The following CACNA1E variants were observed in gnomAD, a reference collection of about 807,000 sequenced individuals.
CACNA1E encodes voltage-dependent R-type calcium channel subunit alpha-1E.
A neutral mutation model predicts 259.2 loss-of-function variants in CACNA1E; 40 were observed. That is an observed-to-expected ratio of 0.15 (90% CI 0.12 to 0.20). CACNA1E has a LOEUF of 0.20. CACNA1E is among the 10% of genes least tolerant of loss of function. The probability of loss-of-function intolerance (pLI) is 1.00; values close to 1 mark genes in which losing one functional copy is unlikely to be tolerated. For synonymous variants in CACNA1E, 1,104 were observed against 1,138.5 expected (o/e 0.97, Z 0.61); for missense variants, 1,874 against 3,040.1 (o/e 0.62, Z 9.02).
At chr1:181,340,244 T>A (rs1190065855) in intron 1 of CACNA1E, among the ~76,000 whole-genome samples, 2 of 152,088 alleles carry the variant, frequency 1.3e-5, no homozygotes, top group Non-Finnish European at 2.9e-5. Flanking sequence ...TCAAATTTAA[T>A]ATTTCTTATA....
intron 2 of CACNA1E, among the ~76,000 whole-genome samples, chr1:181,427,730 G>T (rs1659406611): frequency 1.5e-5 from 2 of 136,116 alleles, no homozygotes; most frequent in African/African-American, 5.7e-5. Context: ...GCTGCCATCT[G>T]TTATGGTTGC....
chr1:181,353,483 G>A (rs1344310787), intron 1 of CACNA1E, among the ~76,000 whole-genome samples: 3 of 152,140 alleles, frequency 2.0e-5, no homozygotes, highest in African/African-American at 4.8e-5. Flanking sequence ...AAATGAAAGG[G>A]GAACATTCCA....
In CACNA1E at chr1:181,587,881, T is replaced by C. The variant is rs557451588; in HGVS notation, c.951+7105T>C. 3.7e-4 allele frequency among the ~76,000 whole-genome samples: 56 copies of C among 152,164 alleles called. 1 individual carries two copies. The highest frequency in any genetic ancestry group is 3.3e-3 in the South Asian group (16 of 4,826). On this transcript the variant is annotated intron_variant, in intron 6 of 47. Transcript: ENST00000367573. ...CTGGGTGAAAGAGCGAGACTCCGTC[T>C]CAAGAAAAAAAGAAAGAAAGAAAGA...
At chr1:181,765,195 CCTACT>C (rs1658917790) in intron 34 of CACNA1E, among the ~76,000 whole-genome samples, 1 of 152,156 alleles carries the variant, frequency 6.6e-6, no homozygotes, top group African/African-American at 2.4e-5. Context: ...ACCTCTGACC[CCTACT>C]CTAGAGTTCT....
At chr1:181,557,086 G>A (rs1165901332) in intron 3 of CACNA1E, among the ~76,000 whole-genome samples, 1 of 152,116 alleles carries the variant, frequency 6.6e-6, no homozygotes, top group Admixed American at 6.5e-5. Flanking sequence ...GAGTGTTTGG[G>A]TGTCATCTTG....
intron 2 of CACNA1E, among the ~76,000 whole-genome samples, chr1:181,445,386 A>T (rs1394060905): frequency 1.3e-5 from 2 of 152,218 alleles, no homozygotes; most frequent in Admixed American, 1.3e-4. Flanking sequence ...AAATATGTGG[A>T]AAAGTGGAAA....
intron 2 of CACNA1E, among the ~76,000 whole-genome samples, chr1:181,451,800 G>T (rs1208496888): frequency 6.6e-6 from 1 of 152,204 alleles, no homozygotes; most frequent in Non-Finnish European, 1.5e-5. Flanking sequence ...AGTGTAGCAA[G>T]AAGGAAGACA....
intron 1 of CACNA1E, among the ~76,000 whole-genome samples, chr1:181,325,155 T>C (rs1650670899): frequency 1.3e-5 from 2 of 152,170 alleles, no homozygotes; most frequent in South Asian, 4.1e-4. Context: ...ACAGCCCACC[T>C]CCTGCACCCA....
At chr1:181,323,419 A>G (rs539152724) in intron 1 of CACNA1E, among the ~76,000 whole-genome samples, 2 of 152,248 alleles carry the variant, frequency 1.3e-5, no homozygotes, top group East Asian at 3.9e-4. Flanking sequence ...TTATTAATAC[A>G]CAGGCACAGA....
intron 7 of CACNA1E, among the ~76,000 whole-genome samples, chr1:181,704,046 G>T (rs1652548577): frequency 6.6e-6 from 1 of 152,130 alleles, no homozygotes; most frequent in African/African-American, 2.4e-5. Flanking sequence ...ATGTCGTCGA[G>T]CATTTGCATC....
chr1:181,392,748 A>G (rs1051672390), intron 1 of CACNA1E, among the ~76,000 whole-genome samples: 5 of 152,224 alleles, frequency 3.3e-5, no homozygotes, highest in Non-Finnish European at 7.3e-5. Context: ...ATTGGAACCA[A>G]ATGTGAGACT....
chr1:181,547,462 T>C (rs1461516247), intron 3 of CACNA1E, among the ~76,000 whole-genome samples: 2 of 152,384 alleles, frequency 1.3e-5, no homozygotes, highest in East Asian at 3.9e-4. Context: ...ATTCAGATCC[T>C]CTGTTCACTA....
chr1:181,352,647 G>C (rs1251635065), intron 1 of CACNA1E, among the ~76,000 whole-genome samples: 1 of 152,142 alleles, frequency 6.6e-6, no homozygotes, highest in Admixed American at 6.5e-5. Flanking sequence ...ATCATCTTAA[G>C]GTGCTGAGAG....
intron 1 of CACNA1E, among the ~76,000 whole-genome samples, chr1:181,354,661 T>C (rs1653291457): frequency 6.6e-6 from 1 of 152,154 alleles, no homozygotes; most frequent in Non-Finnish European, 1.5e-5. Context: ...CAGGTCTTGC[T>C]ACAGTTCCCA....
At chr1:181,587,710 C>T (rs1295508037) in intron 6 of CACNA1E, among the ~76,000 whole-genome samples, 1 of 151,968 alleles carries the variant, frequency 6.6e-6, no homozygotes, top group Admixed American at 6.6e-5. Flanking sequence ...GGTGAAACCC[C>T]GTCTCTACTA....
chr1:181,526,061 G>A (rs1297264591), intron 3 of CACNA1E, among the ~76,000 whole-genome samples: 1 of 152,180 alleles, frequency 6.6e-6, no homozygotes, highest in Non-Finnish European at 1.5e-5. Flanking sequence ...AGGGATGCTA[G>A]GTCAGGAGGC....
chr1:181,579,764 A>G lies in CACNA1E; in HGVS notation c.769+540A>G, dbSNP rs556394560. Among the ~76,000 whole-genome samples, 79 of 152,334 alleles carry G rather than the reference A, an allele frequency of 5.2e-4. 1 individual carries two copies. The South Asian group carries it at 0.016, about 31-fold the overall frequency. On this transcript the variant is annotated intron_variant, in intron 5 of 47. Transcript: ENST00000367573. ...TTTTGTATAGTGGCCTCTCTGGCCC[A>G]CAGGCTGGTGAGATCTAGGAGTCCA...
chr1:181,699,186 C>G (rs1358523858), intron 7 of CACNA1E, among the ~76,000 whole-genome samples: 1 of 152,170 alleles, frequency 6.6e-6, no homozygotes, highest in East Asian at 1.9e-4. Context: ...ATGCCTTTAT[C>G]CATTCATGCA....
At chr1:181,528,165 A>G (rs1018725292) in intron 3 of CACNA1E, among the ~76,000 whole-genome samples, 1 of 151,648 alleles carries the variant, frequency 6.6e-6, no homozygotes, top group African/African-American at 2.4e-5. Context: ...GCAGTAATTG[A>G]ATCATGGGGG....
Sources: allele counts gnomAD v4.1 joint callset (sites outside exome capture counted in the v4.1 genomes callset), GRCh38; gene constraint gnomAD v4.1.1; transcripts MANE v1.5; gene names NCBI Gene and HGNC (gene_info 2026-07-23, HGNC 2026-07-21).